The following RTP2 variants were observed in gnomAD, a reference collection of about 807,000 sequenced individuals.
The protein encoded by RTP2 is receptor-transporting protein 2.
A neutral mutation model predicts 17.9 loss-of-function variants in RTP2; 12 were observed. The observed-to-expected ratio is 0.67, with a 90% CI of 0.43 to 1.09. RTP2 has a LOEUF of 1.09. Among genes scored for constraint, RTP2 ranks in the 50% least tolerant of loss-of-function variants. The pLI, the probability that RTP2 is intolerant of heterozygous loss-of-function variation, is 0.00. For synonymous variants in RTP2, 126 were observed against 117.7 expected (o/e 1.07, Z -0.46); for missense variants, 327 against 295.7 (o/e 1.11, Z -0.78).
upstream of RTP2, among the ~76,000 whole-genome samples, chr3:187,704,641 C>A (rs1477499843): frequency 6.6e-6 from 1 of 152,188 alleles, no homozygotes; most frequent in Admixed American, 6.5e-5. Context: ...AGGACAAATG[C>A]AAGGTGTGTC....
At chr3:187,698,542 C>A in exon 2 of RTP2, 1 of 1,613,610 alleles carries the variant, frequency 6.2e-7, no homozygotes. Flanking sequence ...AGGTAAACAA[C>A]GAGCAGGCAG....
intron 1 of RTP2, 101 bp from the exon 2 acceptor site, chr3:187,699,112 G>C: frequency 5.1e-6 from 7 of 1,364,142 alleles, no homozygotes; most frequent in Non-Finnish European, 5.9e-6. Context: ...CCCGTGCTTG[G>C]AGATGGAGGC....
chr3:187,707,469 A>T (rs980607990), upstream of RTP2, among the ~76,000 whole-genome samples: 1 of 152,040 alleles, frequency 6.6e-6, no homozygotes, highest in African/African-American at 2.4e-5. Context: ...GCAGTTAAAT[A>T]AAAAAAATGT....
At chr3:187,705,944 A>G (rs1021741528), upstream of RTP2, among the ~76,000 whole-genome samples, 4 of 152,234 alleles carry the variant, frequency 2.6e-5, no homozygotes, top group African/African-American at 9.6e-5. Context: ...TTACATAGAT[A>G]TTGCATAAAC....
the RTP2 span, among the ~76,000 whole-genome samples, chr3:187,712,470 G>A: frequency 6.6e-6 from 1 of 152,088 alleles, no homozygotes; most frequent in Admixed American, 6.5e-5. Flanking sequence ...CAGAACAATA[G>A]ATACTATTTT....
chr3:187,711,428 C>A, the RTP2 span, among the ~76,000 whole-genome samples: 3 of 152,118 alleles, frequency 2.0e-5, no homozygotes, highest in African/African-American at 7.2e-5. Context: ...CCTTGTTTGA[C>A]CCATGAGTTG....
chr3:187,704,091 C>G (rs1717930038), upstream of RTP2, among the ~76,000 whole-genome samples: 1 of 152,174 alleles, frequency 6.6e-6, no homozygotes, highest in Admixed American at 6.5e-5. Context: ...GGCCACATCA[C>G]ACTCTGGCAG....
At chr3:187,698,895 T>C in exon 2 of RTP2, 2 of 1,611,824 alleles carry the variant, frequency 1.2e-6, no homozygotes, top group Non-Finnish European at 1.7e-6. Context: ...ATAGCACAGC[T>C]GCTTGAAGAC....
chr3:187,698,911 T>A (rs921128250), exon 2 of RTP2: 4 of 1,610,576 alleles, frequency 2.5e-6, no homozygotes, highest in Non-Finnish European at 3.4e-6. Context: ...AAGACGCGCA[T>A]GCGCACCGAG....
chr3:187,698,838 T>C (rs750335539), exon 2 of RTP2: 1 of 1,613,190 alleles, frequency 6.2e-7, no homozygotes, highest in Non-Finnish European at 8.5e-7. Flanking sequence ...GCCCTCGATG[T>C]TCTCCTCCAG....
intron 1 of RTP2, 90 bp downstream of exon 1, chr3:187,701,875 C>CTG (rs4011920): frequency 3.0e-5 from 40 of 1,320,034 alleles, no homozygotes; most frequent in Middle Eastern, 4.1e-4. Context: ...CAGAATAAGC[C>CTG]CGCGACTGGG....
the RTP2 span, among the ~76,000 whole-genome samples, chr3:187,712,954 C>T: frequency 6.6e-6 from 1 of 152,208 alleles, no homozygotes. Context: ...AACAGCAGAG[C>T]CTGGTCTTCA....
chr3:187,706,089 G>C (rs1717984622), upstream of RTP2, among the ~76,000 whole-genome samples: 1 of 152,126 alleles, frequency 6.6e-6, no homozygotes, highest in Admixed American at 6.6e-5. Context: ...AAATATGCTA[G>C]AAACACTTCA....
At chr3:187,709,103 C>T in the RTP2 span, among the ~76,000 whole-genome samples, 5 of 152,042 alleles carry the variant, frequency 3.3e-5, no homozygotes, top group African/African-American at 1.2e-4. Context: ...CTTTGTCCCA[C>T]TCTCCCTGCC....
upstream of RTP2, among the ~76,000 whole-genome samples, chr3:187,707,553 C>A (rs1295963376): frequency 6.6e-6 from 1 of 152,130 alleles, no homozygotes; most frequent in Non-Finnish European, 1.5e-5. Context: ...TAGAATCATT[C>A]TTGAGACTCC....
At chr3:187,703,134 G>C (rs1717895953), upstream of RTP2, among the ~76,000 whole-genome samples, 1 of 152,216 alleles carries the variant, frequency 6.6e-6, no homozygotes, top group South Asian at 2.1e-4. Flanking sequence ...TCCAAGTGAA[G>C]ACACGGTTAC....
chr3:187,708,252 C>T, the RTP2 span, among the ~76,000 whole-genome samples: 495 of 152,192 alleles, frequency 3.3e-3, 3 homozygotes, highest in African/African-American at 0.012. Context: ...ATTTTTCATG[C>T]TATAGGAAGA....
exon 2 of RTP2, chr3:187,698,965 C>T (rs1262694827): frequency 1.4e-5 from 22 of 1,600,118 alleles, no homozygotes; most frequent in Non-Finnish European, 1.8e-5. Flanking sequence ...AAGAGGATGA[C>T]CACATGGGCA....
At chr3:187,699,126 GTT>G in intron 1 of RTP2, 115 bp from the exon 2 acceptor site, 1 of 1,237,906 alleles carries the variant, frequency 8.1e-7, no homozygotes, top group Non-Finnish European at 1.1e-6. Flanking sequence ...TGGAGGCAGT[GTT>G]TACTGCCCTG....
Sources: allele counts gnomAD v4.1 joint callset (sites outside exome capture counted in the v4.1 genomes callset), GRCh38; gene constraint gnomAD v4.1.1; transcripts MANE v1.5; gene names NCBI Gene and HGNC (gene_info 2026-07-23, HGNC 2026-07-21).